TAOK3: variants seen among roughly 807,000 people sequenced by gnomAD.
The protein encoded by TAOK3 is TAO kinase 3, also known as serine/threonine-protein kinase TAO3.
TAOK3 carries 40 observed loss-of-function variants against 120.4 expected under a neutral mutation model. The observed-to-expected ratio is 0.33, with a 90% CI of 0.26 to 0.43. The LOEUF is 0.43. Among genes scored for constraint, TAOK3 ranks in the 20% least tolerant of loss-of-function variants. The pLI is 1.00. For synonymous variants in TAOK3, 355 were observed against 387.5 expected (o/e 0.92, Z 0.99); for missense variants, 821 against 1,112.1 (o/e 0.74, Z 3.72).
chr12:118,304,419 A>G (rs944693549), intron 1 of TAOK3, among the ~76,000 whole-genome samples: 1 of 152,182 alleles, frequency 6.6e-6, no homozygotes, highest in Non-Finnish European at 1.5e-5. Flanking sequence ...AACCAAAAAG[A>G]AGCCTTCACC....
intron 1 of TAOK3, among the ~76,000 whole-genome samples, chr12:118,315,286 G>C (rs1376384603): frequency 6.6e-6 from 1 of 152,138 alleles, no homozygotes; most frequent in Non-Finnish European, 1.5e-5. Context: ...TGGGGAAAAG[G>C]ATAACTGATA....
At chr12:118,357,033 A>G (rs999384139) in intron 1 of TAOK3, among the ~76,000 whole-genome samples, 1 of 152,250 alleles carries the variant, frequency 6.6e-6, no homozygotes, top group African/African-American at 2.4e-5. Context: ...AGCAACTTGC[A>G]TAACTCCTAC....
intron 9 of TAOK3, among the ~76,000 whole-genome samples, chr12:118,216,864 G>A: frequency 6.8e-6 from 1 of 148,138 alleles, no homozygotes; most frequent in East Asian, 2.0e-4. Flanking sequence ...AGGAGGCGGA[G>A]CCTGCAGTGA....
At position 118,201,378 on chromosome 12, in the gene TAOK3, T is replaced by C. The variant is rs1327254263; in HGVS notation, c.905A>G (p.Asn302Ser). 2 of 1,614,018 alleles carry C rather than the reference T, an allele frequency of 1.2e-6. No homozygotes were observed. Among genetic ancestry groups the C allele is most frequent in the African/African-American group, 2.7e-5 (2 of 74,932 alleles). Residue 302 changes from asparagine (N) to serine (S), a missense_variant, in exon 12 of 21, where the codon AAC becomes AGC. By Grantham distance (46) the Asn-to-Ser change is conservative. Transcript: ENST00000392533. ...TTTTTTCATTTTTCGGTACTGTAGG[T>C]TATCTAGCTCACGAACTGCATCTTT... ...RTKDAVRELDNLQYRKMKKIL... is the reference protein window; with the variant it reads ...RTKDAVRELDSLQYRKMKKIL...
Position 118,151,285 on chromosome 12 carries a change from G to GCACACACACA in TAOK3, c.2536-128_2536-127insTGTGTGTGTG. 8 of 612,482 alleles carry GCACACACACA rather than the reference G, an allele frequency of 1.3e-5. No individual in the cohort carries two copies. In the South Asian group the frequency reaches 1.5e-4, roughly 12 times the overall value. The allele number at this position is 612,482 out of a possible 1,614,324, so 37.9% of individuals were successfully genotyped here. On this transcript the variant is annotated intron_variant, in intron 20 of 20. Transcript: ENST00000392533. ...ATAGGCACACACATGAAGTGCGCGCGCGCGCACACACACACACACACACAC... is the reference window on the plus strand; with the variant it reads ...ATAGGCACACACATGAAGTGCGCGCGCACACACACACGCGCACACACACACACACACACAC...
chr12:118,238,815 A>T (rs902884583), intron 6 of TAOK3, among the ~76,000 whole-genome samples: 4 of 151,906 alleles, frequency 2.6e-5, no homozygotes, highest in East Asian at 1.9e-4. Context: ...TATTTTTTTT[A>T]AAGTAAATTT....
At chr12:118,196,904 C>G (rs2037758396) in intron 13 of TAOK3, among the ~76,000 whole-genome samples, 1 of 152,166 alleles carries the variant, frequency 6.6e-6, no homozygotes, top group South Asian at 2.1e-4. Context: ...ATAAAACTAA[C>G]AGAGGCAGAT....
chr12:118,253,100 G>T (rs1057256490), intron 3 of TAOK3, among the ~76,000 whole-genome samples: 1 of 152,202 alleles, frequency 6.6e-6, no homozygotes, highest in African/African-American at 2.4e-5. Flanking sequence ...TGGGAGCCAA[G>T]TTATTGATGG....
intron 1 of TAOK3, among the ~76,000 whole-genome samples, chr12:118,370,730 C>A (rs1212976938): frequency 6.6e-6 from 1 of 152,186 alleles, no homozygotes; most frequent in Non-Finnish European, 1.5e-5. Context: ...CTGTGAACAA[C>A]TAGCCTGATC....
At chr12:118,234,710 A>G (rs2039949752) in intron 8 of TAOK3, among the ~76,000 whole-genome samples, 1 of 152,126 alleles carries the variant, frequency 6.6e-6, no homozygotes, top group Non-Finnish European at 1.5e-5. Context: ...ACCTGGCCAT[A>G]TTCTTTTAAA....
At chr12:118,244,123 T>C (rs1324869163) in intron 4 of TAOK3, among the ~76,000 whole-genome samples, 2 of 152,228 alleles carry the variant, frequency 1.3e-5, no homozygotes, top group Non-Finnish European at 2.9e-5. Flanking sequence ...AGTACAGTGT[T>C]GCAGTCACAG....
chr12:118,152,122 G>T, intron 20 of TAOK3, 105 bp downstream of exon 20: 1 of 1,095,720 alleles, frequency 9.1e-7, no homozygotes, highest in Non-Finnish European at 1.3e-6. Flanking sequence ...TAAGTGAAAA[G>T]TGCCCAGTTT....
At chr12:118,322,868 G>T (rs993131009) in intron 1 of TAOK3, among the ~76,000 whole-genome samples, 2 of 151,646 alleles carry the variant, frequency 1.3e-5, no homozygotes, top group Non-Finnish European at 2.9e-5. Flanking sequence ...TGGGATTACA[G>T]GTGTGCACCA....
At chr12:118,275,560 CAT>C (rs2041874028) in intron 1 of TAOK3, among the ~76,000 whole-genome samples, 1 of 152,118 alleles carries the variant, frequency 6.6e-6, no homozygotes, top group Non-Finnish European at 1.5e-5. Flanking sequence ...AATAATCATT[CAT>C]ATCTCTTATT....
intron 4 of TAOK3, among the ~76,000 whole-genome samples, 155 bp from the exon 5 acceptor site, chr12:118,243,671 C>T (rs2139999177): frequency 6.6e-6 from 1 of 151,918 alleles, no homozygotes. Context: ...CTATTTCTTT[C>T]TCTCTCTCTT....
At chr12:118,358,707 T>G (rs2045490846) in intron 1 of TAOK3, among the ~76,000 whole-genome samples, 1 of 152,212 alleles carries the variant, frequency 6.6e-6, no homozygotes, top group Non-Finnish European at 1.5e-5. Flanking sequence ...GCCACTTTTA[T>G]TTGTGGAATA....
At chr12:118,297,034 T>A (rs1173845623) in intron 1 of TAOK3, 1 of 152,190 alleles carries the variant, frequency 6.6e-6, no homozygotes, top group Non-Finnish European at 1.5e-5. Context: ...CTTTATATAT[T>A]TATCTTATCT....
chr12:118,188,509 G>A (rs1440966429), intron 14 of TAOK3, among the ~76,000 whole-genome samples: 1 of 152,130 alleles, frequency 6.6e-6, no homozygotes, highest in African/African-American at 2.4e-5. Context: ...ACTTTAAAGT[G>A]GGCTTATTTA....
At chr12:118,368,621 C>CG (rs1294669229) in intron 1 of TAOK3, among the ~76,000 whole-genome samples, 1 of 149,688 alleles carries the variant, frequency 6.7e-6, no homozygotes, top group Non-Finnish European at 1.5e-5. Context: ...GCCTGGCCAC[C>CG]GTGGTGAAAA....
Sources: gnomAD v4.1 joint callset for allele counts (sites outside exome capture counted in the v4.1 genomes callset) on GRCh38, gnomAD v4.1.1 for gene constraint, MANE v1.5 for transcripts, NCBI Gene and HGNC (gene_info 2026-07-23, HGNC 2026-07-21) for gene names.